The following NPSR1 variants were observed in gnomAD, a reference collection of about 807,000 sequenced individuals.
The protein encoded by NPSR1 is neuropeptide S receptor 1.
A neutral mutation model predicts 46.9 loss-of-function variants in NPSR1; 48 were observed. That is an observed-to-expected ratio of 1.02 (90% CI 0.81 to 1.30). The LOEUF (loss-of-function observed/expected upper bound fraction) is 1.30. Among genes scored for constraint, NPSR1 ranks in the 50% most tolerant of loss-of-function variants. The pLI is 0.00. For synonymous variants in NPSR1, 176 were observed against 168.1 expected, an observed-to-expected ratio of 1.05 and a Z score of -0.36; for missense variants, 450 against 449.5, an observed-to-expected ratio of 1.00 and a Z score of -0.01.
At chr7:34,690,432 G>A (rs1484458261) in intron 2 of NPSR1, among the ~76,000 whole-genome samples, 1 of 152,056 alleles carries the variant, frequency 6.6e-6, no homozygotes, top group African/African-American at 2.4e-5. Context: ...ATCAGGTAAA[G>A]AGCTCAAAAT....
At chr7:34,778,088 A>AT (rs1301774603) in intron 2 of NPSR1, among the ~76,000 whole-genome samples, 1 of 152,152 alleles carries the variant, frequency 6.6e-6, no homozygotes, top group Non-Finnish European at 1.5e-5. Flanking sequence ...TTCTCCAAAG[A>AT]TAACGATTTT....
intron 1 of NPSR1, among the ~76,000 whole-genome samples, chr7:34,664,116 G>A (rs1293442091): frequency 6.6e-6 from 1 of 152,154 alleles, no homozygotes; most frequent in Non-Finnish European, 1.5e-5. Flanking sequence ...GCTTCTCTCT[G>A]GACCTCTCAG....
chr7:34,815,466 G>C (rs325468), intron 4 of NPSR1, among the ~76,000 whole-genome samples: 115,660 of 152,156 alleles, frequency 0.76, 45,081 homozygotes, highest in African/African-American at 0.94. Flanking sequence ...TGAAACTGAT[G>C]GGGCGAACAG....
At chr7:34,670,484 G>A (rs185636794) in intron 1 of NPSR1, among the ~76,000 whole-genome samples, 185 of 151,816 alleles carry the variant, frequency 1.2e-3, no homozygotes, top group African/African-American at 4.2e-3. Context: ...ATTATATAAT[G>A]ATGACACTAA....
chr7:34,834,617 C>A (rs75517646), intron 6 of NPSR1, among the ~76,000 whole-genome samples, 157 bp downstream of exon 6: 35 of 152,126 alleles, frequency 2.3e-4, no homozygotes, highest in African/African-American at 8.0e-4. Flanking sequence ...CTGTCACAGG[C>A]GGGCTCTGTC....
intron 5 of NPSR1, among the ~76,000 whole-genome samples, chr7:34,833,526 G>T (rs1456298127): frequency 6.6e-6 from 1 of 152,178 alleles, no homozygotes; most frequent in Non-Finnish European, 1.5e-5. Flanking sequence ...AAGTTCGAGA[G>T]GTCTGTATTG....
intron 2 of NPSR1, among the ~76,000 whole-genome samples, chr7:34,736,789 T>C (rs1289768635): frequency 6.6e-6 from 1 of 152,102 alleles, no homozygotes; most frequent in African/African-American, 2.4e-5. Context: ...TTTATTTTTG[T>C]AGACATAAGG....
At position 34,717,243 on chromosome 7, in the gene NPSR1, C is replaced by T. The variant is rs149302334; in HGVS notation, c.280+32559C>T. ...CACTTCCCGGGTTCAAGCGATTCTC[C>T]TGCCTCAGCCTCCCGAGTAGCTTCG... On this transcript the variant is annotated intron_variant, in intron 2 of 8. Coordinates refer to ENST00000360581, the MANE Select transcript of NPSR1 (RefSeq NM_207172.2). Among the ~76,000 whole-genome samples, 193 of 152,324 alleles carry T rather than the reference C, an allele frequency of 1.3e-3. 3 individuals carry two copies. Among genetic ancestry groups the T allele is most frequent in the African/African-American group, 4.0e-3 (168 of 41,564 alleles).
At chr7:34,733,650 G>A (rs1784539202) in intron 2 of NPSR1, among the ~76,000 whole-genome samples, 1 of 152,102 alleles carries the variant, frequency 6.6e-6, no homozygotes. Context: ...ATCACTCTTG[G>A]TCAGTGCTAT....
At chr7:34,844,162 T>A (rs965558135) in intron 6 of NPSR1, among the ~76,000 whole-genome samples, 1 of 152,250 alleles carries the variant, frequency 6.6e-6, no homozygotes, top group African/African-American at 2.4e-5. Context: ...TTGCACTGGA[T>A]CCTGCCTAGC....
chr7:34,751,966 G>A (rs1785560167), intron 2 of NPSR1: 4 of 1,038,562 alleles, frequency 3.9e-6, no homozygotes, highest in South Asian at 1.3e-5. Context: ...CGTTTGCCCA[G>A]AGAAGTCTTT....
chr7:34,871,795 G>T (rs183682716), intron 8 of NPSR1, among the ~76,000 whole-genome samples: 3 of 152,068 alleles, frequency 2.0e-5, no homozygotes, highest in Non-Finnish European at 4.4e-5. Flanking sequence ...TGATGGGTGG[G>T]CTCCCAAGGC....
chr7:34,729,695 C>T (rs778864630), intron 2 of NPSR1, among the ~76,000 whole-genome samples: 3 of 152,084 alleles, frequency 2.0e-5, no homozygotes, highest in Admixed American at 1.3e-4. Context: ...CTATCAATAA[C>T]CAATTAGAAA....
chr7:34,754,267 T>G (rs1785699010), intron 2 of NPSR1, among the ~76,000 whole-genome samples: 1 of 152,216 alleles, frequency 6.6e-6, no homozygotes, highest in African/African-American at 2.4e-5. Flanking sequence ...ACACATGTTC[T>G]TGTACCTCAG....
downstream of NPSR1, among the ~76,000 whole-genome samples, chr7:34,853,531 G>A (rs1441832286): frequency 1.3e-5 from 2 of 152,176 alleles, no homozygotes; most frequent in Admixed American, 1.3e-4. Flanking sequence ...CAACAGGCTG[G>A]TTCAGTTAAC....
intron 3 of NPSR1, among the ~76,000 whole-genome samples, chr7:34,787,029 G>A (rs1359744907): frequency 1.3e-5 from 2 of 152,114 alleles, no homozygotes; most frequent in Non-Finnish European, 2.9e-5. Context: ...GATGTCCTTT[G>A]AAGCTTTGAA....
chr7:34,798,949 T>G (rs1324203097), intron 3 of NPSR1, among the ~76,000 whole-genome samples: 1 of 152,136 alleles, frequency 6.6e-6, no homozygotes, highest in Non-Finnish European at 1.5e-5. Context: ...TAGGATGCAG[T>G]AAAAGCAGTT....
intron 8 of NPSR1, among the ~76,000 whole-genome samples, chr7:34,868,575 T>A (rs1434415498): frequency 6.6e-6 from 1 of 151,548 alleles, no homozygotes; most frequent in African/African-American, 2.4e-5. Flanking sequence ...CCAGCAGACA[T>A]GTCAGGGTGA....
intron 8 of NPSR1, among the ~76,000 whole-genome samples, chr7:34,872,492 T>C (rs1467393884): frequency 6.6e-6 from 1 of 151,930 alleles, no homozygotes. Flanking sequence ...ACTTCTCTCC[T>C]GAAAATGATT....
Sources: allele counts gnomAD v4.1 joint callset (sites outside exome capture counted in the v4.1 genomes callset), GRCh38; gene constraint gnomAD v4.1.1; transcripts MANE v1.5; gene names NCBI Gene and HGNC (gene_info 2026-07-23, HGNC 2026-07-21).